The following FANCI variants were observed in gnomAD, a reference collection of about 807,000 sequenced individuals.
The protein encoded by FANCI is Fanconi anemia group I protein.
In FANCI, 156 loss-of-function variants were observed where a neutral mutation model predicts 176.1. The ratio of observed to expected loss-of-function variants is 0.89; its 90% CI spans 0.78 to 1.01. The LOEUF (loss-of-function observed/expected upper bound fraction) is 1.01, where lower values mean the gene tolerates loss of function less well. Among genes scored for constraint, FANCI ranks in the 50% least tolerant of loss-of-function variants. FANCI has a pLI of 0.00. For missense variants in FANCI, 1,678 were observed against 1,534.1 expected (o/e 1.09, Z -1.57); for synonymous variants, 613 against 541.7 (o/e 1.13, Z -1.83).
At chr15:89,311,120 ATGGTG>A (rs2054938625) in intron 34 of FANCI, among the ~76,000 whole-genome samples, 1 of 152,134 alleles carries the variant, frequency 6.6e-6, no homozygotes, top group Non-Finnish European at 1.5e-5. Flanking sequence ...TTAGCTGGGC[ATGGTG>A]GCAGGCGCCT....
intron 24 of FANCI, among the ~76,000 whole-genome samples, chr15:89,296,852 G>A (rs1596311068): frequency 1.3e-5 from 2 of 150,366 alleles, no homozygotes; most frequent in African/African-American, 2.4e-5. Flanking sequence ...TGGCCGGGCA[G>A]AGGGGCTCCT....
At chr15:89,304,196 A>G (rs2054627650) in intron 28 of FANCI, among the ~76,000 whole-genome samples, 1 of 152,236 alleles carries the variant, frequency 6.6e-6, no homozygotes, top group South Asian at 2.1e-4. Context: ...AATTCGAATC[A>G]CAACAGAAAA....
intron 3 of FANCI, among the ~76,000 whole-genome samples, chr15:89,259,595 A>C (rs754309251): frequency 6.6e-6 from 1 of 152,186 alleles, no homozygotes; most frequent in African/African-American, 2.4e-5. Context: ...ATTGATTTTA[A>C]AACAATTTCC....
At chr15:89,246,537 A>G (rs919366327) in intron 1 of FANCI, among the ~76,000 whole-genome samples, 3 of 151,956 alleles carry the variant, frequency 2.0e-5, no homozygotes, top group Non-Finnish European at 4.4e-5. Context: ...TACCTCAGCC[A>G]TTTTACTCAT....
chr15:89,314,058 G>GAC (rs544351534), intron 35 of FANCI, among the ~76,000 whole-genome samples: 1,201 of 62,186 alleles, frequency 0.019, 18 homozygotes, highest in African/African-American at 0.064. Flanking sequence ...TATAATCACA[G>GAC]ACACACACAC....
At chr15:89,254,526 T>C (rs2052410770) in intron 2 of FANCI, among the ~76,000 whole-genome samples, 1 of 152,192 alleles carries the variant, frequency 6.6e-6, no homozygotes, top group Admixed American at 6.5e-5. Flanking sequence ...CAGAGATTTA[T>C]AAGTCCATAC....
intron 27 of FANCI, among the ~76,000 whole-genome samples, chr15:89,302,282 G>A (rs2054551481): frequency 1.3e-5 from 2 of 152,126 alleles, no homozygotes; most frequent in Admixed American, 1.3e-4. Context: ...TTCCAGGTTT[G>A]CCCAAAGAAA....
intron 2 of FANCI, among the ~76,000 whole-genome samples, chr15:89,252,664 C>T (rs1161536429): frequency 1.3e-5 from 2 of 152,012 alleles, no homozygotes; most frequent in Admixed American, 6.5e-5. Flanking sequence ...TGCTTGAACC[C>T]GGGAGGTGGA....
chr15:89,283,159 C>T lies in FANCI; in HGVS notation c.1607C>T (p.Ala536Val). The stretch of plus-strand genomic sequence containing the variant: ...AGCCAGCTTGATGCCCGAAAATCTG[C>T]AGTTGCTGGGTTTTTGCTGCTCCTG... ...FANQLDARKS[A>V]VAGFLLLLKN... Residue 536 changes from alanine (A) to valine (V), a missense_variant, in exon 17 of 38, where the codon GCA becomes GTA. Transcript: ENST00000310775. 1 of 1,614,174 alleles carries T rather than the reference C, an allele frequency of 6.2e-7. No homozygotes were observed. Among genetic ancestry groups the T allele is most frequent in the Non-Finnish European group, 8.5e-7 (1 of 1,180,028 alleles).
rs776699877 is a variant in FANCI at position 89,307,639 on chromosome 15, C to G, written c.3618C>G (p.Thr1206=). ...KLVKLSGSHL[T]PLCYSFISYV... ...TGAAGCTGTCTGGTTCTCATCTGAC[C>G]CCCCTGTGTTATTCTTTCATTTCTT... is the stretch of plus-strand genomic sequence containing the variant. Residue 1206 remains threonine (T), a synonymous_variant, in exon 34 of 38, where the codon ACC becomes ACG. Coordinates refer to ENST00000310775, the MANE Select transcript of FANCI (RefSeq NM_001113378.2). 1 of 1,614,056 alleles carries G rather than the reference C, an allele frequency of 6.2e-7. No individual in the cohort carries two copies. Among genetic ancestry groups the G allele is most frequent in the Non-Finnish European group, 8.5e-7 (1 of 1,179,998 alleles).
intron 34 of FANCI, among the ~76,000 whole-genome samples, chr15:89,312,255 C>T (rs2054992880): frequency 6.6e-6 from 1 of 152,140 alleles, no homozygotes; most frequent in Non-Finnish European, 1.5e-5. Flanking sequence ...AATGAATATT[C>T]CTGCTACCAC....
chr15:89,255,184 T>C (rs915839488), intron 2 of FANCI, among the ~76,000 whole-genome samples: 4 of 152,188 alleles, frequency 2.6e-5, no homozygotes, highest in Admixed American at 1.3e-4. Context: ...ATTAGTTGTT[T>C]TGCTGAATGT....
intron 7 of FANCI, 54 bp downstream of exon 7, chr15:89,263,514 G>T: frequency 1.4e-6 from 2 of 1,437,322 alleles, no homozygotes; most frequent in South Asian, 2.3e-5. Flanking sequence ...GAACTTACTT[G>T]CTAGAAATTA....
At chr15:89,260,573 C>A in intron 3 of FANCI, 140 bp from the exon 4 acceptor site, 1 of 1,084,458 alleles carries the variant, frequency 9.2e-7, no homozygotes, top group Non-Finnish European at 1.4e-6. Flanking sequence ...AGCCCTTAAC[C>A]ATTGCTGTTC....
At chr15:89,311,829 TAAG>T (rs962405829) in intron 34 of FANCI, among the ~76,000 whole-genome samples, 5 of 152,174 alleles carry the variant, frequency 3.3e-5, no homozygotes, top group Admixed American at 2.0e-4. Flanking sequence ...GTTCCCTTCC[TAAG>T]AAGGTTTAGA....
chr15:89,307,672 G>A lies in FANCI; in HGVS notation c.3651G>A (p.Gln1217=), dbSNP rs766147964. Residue 1217 remains glutamine, a splice_region_variant and synonymous_variant, in exon 34 of 38, where the codon CAG becomes CAA. Coordinates refer to ENST00000310775, the MANE Select transcript of FANCI (RefSeq NM_001113378.2). ...GTTATTCTTTCATTTCTTACGTACA[G>A]GTAAGAGATTCAGAGGCAGTACCCA... ...PLCYSFISYV[Q]NKSKSLNYTG... The A allele has an allele frequency of 6.2e-7, 1 of 1,614,078 alleles. No homozygotes were observed. Among genetic ancestry groups the A allele is most frequent in the Admixed American group, 1.7e-5 (1 of 60,012 alleles).
intron 35 of FANCI, 43 bp downstream of exon 35, chr15:89,313,015 A>G (rs1596337176): frequency 6.4e-7 from 1 of 1,571,200 alleles, no homozygotes; most frequent in Non-Finnish European, 8.8e-7. Context: ...TTGTTGGTGA[A>G]CCCGAAAACA....
intron 9 of FANCI, among the ~76,000 whole-genome samples, chr15:89,265,067 C>T (rs1436535250): frequency 6.6e-6 from 1 of 152,318 alleles, no homozygotes; most frequent in East Asian, 1.9e-4. Context: ...AAACCTCTCT[C>T]AGATGTGCTA....
At chr15:89,265,505 C>A (rs1356166170) in intron 9 of FANCI, among the ~76,000 whole-genome samples, 2 of 151,906 alleles carry the variant, frequency 1.3e-5, no homozygotes, top group African/African-American at 4.8e-5. Flanking sequence ...CTGTGCCTGG[C>A]CAAGGATTTT....
Sources: allele counts gnomAD v4.1 joint callset (sites outside exome capture counted in the v4.1 genomes callset), GRCh38; gene constraint gnomAD v4.1.1; transcripts MANE v1.5; gene names NCBI Gene and HGNC (gene_info 2026-07-23, HGNC 2026-07-21).